The following FHIT variants were observed in gnomAD, a reference collection of about 807,000 sequenced individuals.
FHIT encodes fragile histidine triad diadenosine triphosphatase, also known as bis(5'-adenosyl)-triphosphatase.
Under a neutral mutation model 17.9 loss-of-function variants are expected in FHIT, and 19 were observed. The ratio of observed to expected loss-of-function variants is 1.06; its 90% CI spans 0.74 to 1.56. The LOEUF (loss-of-function observed/expected upper bound fraction) is 1.56. Ranked by LOEUF, FHIT falls within the 40% of genes most tolerant of loss-of-function variation. FHIT has a pLI of 0.00. For synonymous variants in FHIT, 81 were observed against 69.7 expected (o/e 1.16, Z -0.81); for missense variants, 248 against 189.2 (o/e 1.31, Z -1.82).
intron 4 of FHIT, among the ~76,000 whole-genome samples, chr3:60,788,446 A>G (rs1159515920): frequency 6.6e-6 from 1 of 152,228 alleles, no homozygotes; most frequent in Non-Finnish European, 1.5e-5. Flanking sequence ...ATATATACAT[A>G]GAATGTATAT....
intron 5 of FHIT, among the ~76,000 whole-genome samples, chr3:60,046,443 G>C (rs969529299): frequency 1.3e-5 from 2 of 152,236 alleles, no homozygotes; most frequent in Non-Finnish European, 2.9e-5. Context: ...TGGAATTGAA[G>C]AGGGCTCGGC....
At chr3:60,138,018 T>G (rs1023404969) in intron 5 of FHIT, among the ~76,000 whole-genome samples, 1 of 152,188 alleles carries the variant, frequency 6.6e-6, no homozygotes. Context: ...TTGTCTAGTT[T>G]GATGTTCTTA....
intron 1 of FHIT, among the ~76,000 whole-genome samples, chr3:61,235,963 G>C (rs2040220403): frequency 6.6e-6 from 1 of 151,734 alleles, no homozygotes. Context: ...CATGTCATTA[G>C]TGCTTAATAT....
intron 5 of FHIT, among the ~76,000 whole-genome samples, chr3:60,375,146 A>C (rs1388195265): frequency 6.6e-6 from 1 of 151,958 alleles, no homozygotes; most frequent in African/African-American, 2.4e-5. Context: ...AAACACTTTC[A>C]CGGTAGCAAT....
At chr3:60,598,710 G>C (rs9864591) in intron 4 of FHIT, among the ~76,000 whole-genome samples, 4,095 of 152,212 alleles carry the variant, frequency 0.027, 170 homozygotes, top group African/African-American at 0.086. Context: ...AGTATGAAAT[G>C]GCTTTTTCAG....
intron 5 of FHIT, among the ~76,000 whole-genome samples, chr3:60,492,410 G>A (rs957000710): frequency 6.6e-6 from 1 of 152,094 alleles, no homozygotes; most frequent in African/African-American, 2.4e-5. Flanking sequence ...TAGGAAAAAG[G>A]TTAAGAAATC....
At chr3:60,838,479 A>G (rs534978393) in intron 3 of FHIT, among the ~76,000 whole-genome samples, 2 of 152,242 alleles carry the variant, frequency 1.3e-5, no homozygotes, top group African/African-American at 4.8e-5. Flanking sequence ...CTCAAAAACA[A>G]AAACAAAAAC....
At chr3:60,983,887 T>G (rs895236782) in intron 3 of FHIT, among the ~76,000 whole-genome samples, 1 of 152,146 alleles carries the variant, frequency 6.6e-6, no homozygotes, top group African/African-American at 2.4e-5. Flanking sequence ...AATCAGCCAC[T>G]ACATCACAAC....
Position 61,171,483 on chromosome 3 carries a change from T to C in FHIT, c.-164+29134A>G, listed in dbSNP as rs575221513. On this transcript the variant is annotated intron_variant, in intron 2 of 9. Coordinates refer to ENST00000492590, the MANE Select transcript of FHIT (RefSeq NM_002012.4). ...TAATCTTAATTTATAGACTAAAATA[T>C]TAATTTGAAAATATACCAACTAAAG... is the stretch of plus-strand genomic sequence containing the variant. 5.9e-5 allele frequency among the ~76,000 whole-genome samples: 9 copies of C among 152,294 alleles called. No homozygotes were observed. The South Asian group carries it at 1.9e-3, about 32-fold the overall frequency.
intron 5 of FHIT, among the ~76,000 whole-genome samples, chr3:60,036,805 T>C (rs1025844050): frequency 4.6e-5 from 7 of 152,204 alleles, no homozygotes; most frequent in Non-Finnish European, 8.8e-5. Context: ...TTCCCCAAGA[T>C]AGAGACACAT....
intron 4 of FHIT, among the ~76,000 whole-genome samples, chr3:60,632,029 G>C (rs2039456636): frequency 6.6e-6 from 1 of 152,074 alleles, no homozygotes; most frequent in Non-Finnish European, 1.5e-5. Context: ...TTTTGTGCCA[G>C]TCTCTAGATT....
chr3:61,115,185 A>G (rs1461853535), intron 2 of FHIT, among the ~76,000 whole-genome samples: 1 of 152,204 alleles, frequency 6.6e-6, no homozygotes, highest in Non-Finnish European at 1.5e-5. Context: ...AAAGAAAGAG[A>G]CAATAATTAA....
At chr3:59,998,244 A>G (rs1201232925) in intron 7 of FHIT, among the ~76,000 whole-genome samples, 2 of 152,176 alleles carry the variant, frequency 1.3e-5, no homozygotes, top group Admixed American at 1.3e-4. Flanking sequence ...GAAGGGCTAC[A>G]GTGGCTAATG....
chr3:59,978,549 T>A (rs1234755442), intron 7 of FHIT, among the ~76,000 whole-genome samples: 1 of 151,662 alleles, frequency 6.6e-6, no homozygotes, highest in East Asian at 2.0e-4. Flanking sequence ...GCCATCTCTT[T>A]ACCTCTCAGC....
chr3:61,196,287 T>C (rs1206369938), intron 2 of FHIT, among the ~76,000 whole-genome samples: 1 of 152,178 alleles, frequency 6.6e-6, no homozygotes, highest in Non-Finnish European at 1.5e-5. Context: ...TGCTGTTTTA[T>C]TTAAACAATG....
chr3:60,513,621 C>T (rs900283917), intron 5 of FHIT, among the ~76,000 whole-genome samples: 2 of 152,138 alleles, frequency 1.3e-5, no homozygotes, highest in Non-Finnish European at 2.9e-5. Context: ...GAACAGAAAA[C>T]CAAACACCAC....
intron 8 of FHIT, among the ~76,000 whole-genome samples, chr3:59,828,502 T>C (rs1701051802): frequency 6.6e-6 from 1 of 152,228 alleles, no homozygotes; most frequent in Admixed American, 6.5e-5. Context: ...TGTATGTGGC[T>C]GCGGATGATA....
chr3:60,085,439 A>G (rs980265829), intron 5 of FHIT, among the ~76,000 whole-genome samples: 2 of 152,130 alleles, frequency 1.3e-5, no homozygotes, highest in African/African-American at 4.8e-5. Flanking sequence ...AAGCATCACT[A>G]ACTGATGCAT....
intron 1 of FHIT, among the ~76,000 whole-genome samples, chr3:61,221,719 G>C (rs2039843762): frequency 6.6e-6 from 1 of 152,158 alleles, no homozygotes; most frequent in Non-Finnish European, 1.5e-5. Flanking sequence ...GCCTAACTAA[G>C]GTCACCTTTC....
Sources: gnomAD v4.1 joint callset for allele counts (sites outside exome capture counted in the v4.1 genomes callset) on GRCh38, gnomAD v4.1.1 for gene constraint, MANE v1.5 for transcripts, NCBI Gene and HGNC (gene_info 2026-07-23, HGNC 2026-07-21) for gene names.